Variants in VAV2 observed in about 807,000 individuals in gnomAD.
The protein encoded by VAV2 is guanine nucleotide exchange factor VAV2.
VAV2 carries 67 observed loss-of-function variants against 132.5 expected under a neutral mutation model. That is an observed-to-expected ratio of 0.51 (90% CI 0.42 to 0.62). The LOEUF is 0.62. Ranked by LOEUF, VAV2 falls within the 20% of genes least tolerant of loss-of-function variation. The probability of loss-of-function intolerance (pLI) is 0.00; values close to 1 mark genes in which losing one functional copy is unlikely to be tolerated. For synonymous variants in VAV2, 492 were observed against 443.5 expected (o/e 1.11, Z -1.37); for missense variants, 938 against 1,153.6 (o/e 0.81, Z 2.71).
chr9:133,987,354 G>T (rs1321215874), intron 1 of VAV2, among the ~76,000 whole-genome samples: 1 of 152,256 alleles, frequency 6.6e-6, no homozygotes, highest in South Asian at 2.1e-4. Context: ...GACAGGGTGG[G>T]GAGAGGGTGA....
At chr9:133,805,271 C>T (rs1001469078) in intron 9 of VAV2, among the ~76,000 whole-genome samples, 5 of 152,254 alleles carry the variant, frequency 3.3e-5, no homozygotes, top group South Asian at 2.1e-4. Flanking sequence ...CCAGACCCTT[C>T]CAAGAGTGGA....
chr9:133,962,716 C>T (rs1158569669), intron 1 of VAV2, among the ~76,000 whole-genome samples: 6 of 152,202 alleles, frequency 3.9e-5, no homozygotes, highest in Non-Finnish European at 8.8e-5. Flanking sequence ...AAATTGAAAG[C>T]ACCATTTGAT....
intron 19 of VAV2, among the ~76,000 whole-genome samples, chr9:133,781,158 T>C (rs1833995171): frequency 6.6e-6 from 1 of 152,174 alleles, no homozygotes; most frequent in Non-Finnish European, 1.5e-5. Flanking sequence ...TAGTGATGCC[T>C]GCTGGGGCAA....
In VAV2 at chr9:133,827,648, C is replaced by G. The variant is rs78922397; in HGVS notation, c.449+6624G>C. 5.1e-3 allele frequency among the ~76,000 whole-genome samples: 43 copies of G among 8,448 alleles called. 1 individual carries two copies. The highest frequency in any genetic ancestry group is 0.019 in the Admixed American group (16 of 834). The allele number at this position is 8,448 out of a possible 152,430, so 5.5% of individuals were successfully genotyped here. ...TGACCACTGAGTGGGGGCATCACCA[C>G]CTACCGCTGCGCCCACTGGGGCTGA... On this transcript the variant is annotated intron_variant, in intron 4 of 29. Transcript: ENST00000371850.
At chr9:133,809,268 TGTGCA>T (rs2131694526) in intron 6 of VAV2, 130 bp from the exon 7 acceptor site, 1 of 696,342 alleles carries the variant, frequency 1.4e-6, no homozygotes, top group South Asian at 1.9e-5. Flanking sequence ...GGTCACTGAG[TGTGCA>T]GTGCTGCAGC....
At position 133,768,361 on chromosome 9, in the gene VAV2, TGTG is replaced by T. The variant is rs1833503801; in HGVS notation, c.2589+78_2589+80del. On this transcript the variant is annotated intron_variant, in intron 29 of 29. Coordinates refer to ENST00000371850, the MANE Select transcript of VAV2 (RefSeq NM_001134398.2). The surrounding 1 kb of genome is among the most constrained non-coding windows in gnomAD (Gnocchi z 5.3). ...ACAGGGCCTGGGGTGTGGACATAGG[TGTG>T]GTGCTAGTCTGCCTGAGCCCGACCA... The T allele has an allele frequency of 6.5e-7, 1 of 1,544,326 alleles. No homozygotes were observed.
At chr9:133,764,879 A>G (rs1833383569) in intron 29 of VAV2, among the ~76,000 whole-genome samples, 1 of 152,220 alleles carries the variant, frequency 6.6e-6, no homozygotes, top group Admixed American at 6.5e-5. Context: ...TCCAAAAGTG[A>G]TGGACATCAA....
intron 16 of VAV2, among the ~76,000 whole-genome samples, chr9:133,786,643 T>C (rs992026972): frequency 6.6e-6 from 1 of 152,364 alleles, no homozygotes; most frequent in Non-Finnish European, 1.5e-5. Flanking sequence ...GGAACAGCCA[T>C]GGGCCTGGGG....
intron 2 of VAV2, among the ~76,000 whole-genome samples, chr9:133,881,397 C>G (rs1838491535): frequency 6.6e-6 from 1 of 152,240 alleles, no homozygotes; most frequent in Non-Finnish European, 1.5e-5. Context: ...GCCCAGCTCT[C>G]CTGCATCCCA....
At chr9:133,785,421 C>T (rs1157426030) in intron 17 of VAV2, among the ~76,000 whole-genome samples, 1 of 152,228 alleles carries the variant, frequency 6.6e-6, no homozygotes, top group Admixed American at 6.5e-5. Context: ...AGACTGGGGT[C>T]ACCAGGAATC....
At chr9:133,783,336 C>T (rs370465219) in intron 19 of VAV2, among the ~76,000 whole-genome samples, 167 bp downstream of exon 19, 164 of 152,226 alleles carry the variant, frequency 1.1e-3, no homozygotes, top group African/African-American at 3.7e-3. Flanking sequence ...AAGTGTGTGA[C>T]GTGCGGCAGG....
chr9:133,790,375 C>T (rs1834405465), intron 13 of VAV2, among the ~76,000 whole-genome samples: 1 of 152,170 alleles, frequency 6.6e-6, no homozygotes, highest in Non-Finnish European at 1.5e-5. Context: ...CAGGGTTTTA[C>T]CACATTTGCC....
chr9:133,985,269 TGTGTGTTTTG>T (rs1358613655), intron 1 of VAV2, among the ~76,000 whole-genome samples: 10 of 147,248 alleles, frequency 6.8e-5, no homozygotes, highest in African/African-American at 2.1e-4. Context: ...TGTGTGTGTG[TGTGTGTTTTG>T]TTTTTGTTTT....
Position 133,840,269 on chromosome 9 carries a change from G to A in VAV2, c.381-5929C>T, listed in dbSNP as rs948610717. On this transcript the variant is annotated intron_variant, in intron 3 of 29. Transcript: ENST00000371850. The surrounding 1 kb of genome is among the most constrained non-coding windows in gnomAD (Gnocchi z 4.5). ...AAGCAGAGTTTCCCACTGCACCGCC[G>A]AGGGGACGAAGCAGATGTCCGCACA... 4.6e-5 allele frequency among the ~76,000 whole-genome samples: 7 copies of A among 152,166 alleles called. No individual in the cohort carries two copies. The highest frequency in any genetic ancestry group is 2.1e-4 in the South Asian group (1 of 4,824).
intron 22 of VAV2, 125 bp downstream of exon 22, chr9:133,778,637 C>T (rs993123958): frequency 4.3e-6 from 6 of 1,406,652 alleles, no homozygotes; most frequent in Non-Finnish European, 5.6e-6. Flanking sequence ...GTGCCTCCTC[C>T]TCCCTGGTGG....
At chr9:133,813,668 G>A (rs777098370) in intron 4 of VAV2, among the ~76,000 whole-genome samples, 12 of 152,246 alleles carry the variant, frequency 7.9e-5, no homozygotes, top group East Asian at 5.8e-4. Context: ...CAAAGGAGGC[G>A]GAGGAAGCTG....
intron 6 of VAV2, among the ~76,000 whole-genome samples, chr9:133,809,965 T>C (rs1477024532): frequency 6.6e-6 from 1 of 152,134 alleles, no homozygotes; most frequent in African/African-American, 2.4e-5. Context: ...AAGGGTCCGC[T>C]TGGGTCTGCC....
intron 1 of VAV2, among the ~76,000 whole-genome samples, chr9:133,990,259 G>T (rs1002937705): frequency 6.6e-6 from 1 of 152,106 alleles, no homozygotes; most frequent in African/African-American, 2.4e-5. Context: ...CGGCCCAGCA[G>T]CGGGACCCCT....
At position 133,768,849 on chromosome 9, in the gene VAV2, G is replaced by A. The variant is rs917233422; in HGVS notation, c.2435-253C>T. On this transcript the variant is annotated intron_variant, in intron 28 of 29. Transcript: ENST00000371850. The surrounding 1 kb of genome is among the most constrained non-coding windows in gnomAD (Gnocchi z 5.3). ...GAGGATGTTCTTAGGGACAAGAGCA[G>A]GTGCCCAGGCTTTGACCATCATCAT... 6.6e-6 allele frequency among the ~76,000 whole-genome samples: 1 copy of A among 152,188 alleles called. No homozygotes were observed. The highest frequency in any genetic ancestry group is 1.5e-5 in the Non-Finnish European group (1 of 68,036).
Sources: allele counts gnomAD v4.1 joint callset (sites outside exome capture counted in the v4.1 genomes callset), GRCh38; gene constraint gnomAD v4.1.1; non-coding constraint Gnocchi (gnomAD v3.1); transcripts MANE v1.5; gene names NCBI Gene and HGNC (gene_info 2026-07-23, HGNC 2026-07-21).